The following PTPRE variants were observed in gnomAD, a reference collection of about 807,000 sequenced individuals.
PTPRE encodes receptor-type tyrosine-protein phosphatase epsilon.
In PTPRE, 51 loss-of-function variants were observed where a neutral mutation model predicts 102.0. The observed-to-expected ratio is 0.50, with a 90% CI of 0.40 to 0.63. The LOEUF (loss-of-function observed/expected upper bound fraction) is 0.63. PTPRE is among the 30% of genes least tolerant of loss of function. The pLI, the probability that PTPRE is intolerant of heterozygous loss-of-function variation, is 0.00. For synonymous variants in PTPRE, 345 were observed against 348.2 expected, an observed-to-expected ratio of 0.99 and a Z score of 0.10; for missense variants, 752 against 915.1, an observed-to-expected ratio of 0.82 and a Z score of 2.30.
At chr10:128,072,853 G>A (rs1014385315) in intron 16 of PTPRE, among the ~76,000 whole-genome samples, 9 of 152,062 alleles carry the variant, frequency 5.9e-5, no homozygotes, top group Admixed American at 4.6e-4. Flanking sequence ...GTGTACCCAC[G>A]TGGACAATAC....
chr10:127,943,973 C>T lies in PTPRE; in HGVS notation c.-31+36664C>T, dbSNP rs1197163232. On this transcript the variant is annotated intron_variant, in intron 1 of 20. Coordinates refer to ENST00000254667, the MANE Select transcript of PTPRE (RefSeq NM_006504.6). Reference sequence around the variant, plus strand: ...GAAGTAGTTCCTATGGGCATTGGGGCTGGGAAGTCTAATTAGAAGCAATAG... The same window carrying T: ...GAAGTAGTTCCTATGGGCATTGGGGTTGGGAAGTCTAATTAGAAGCAATAG... Among the ~76,000 whole-genome samples the T allele has an allele frequency of 2.6e-5, 4 of 152,120 alleles. No homozygotes were observed. In the East Asian group the frequency reaches 7.7e-4, roughly 29 times the overall value.
intron 11 of PTPRE, among the ~76,000 whole-genome samples, chr10:128,067,363 T>C (rs1850318124): frequency 8.0e-6 from 1 of 125,396 alleles, no homozygotes; most frequent in African/African-American, 3.1e-5. Flanking sequence ...CACGCACACG[T>C]GCACACATGC....
chr10:128,061,840 A>T (rs1057494948), intron 9 of PTPRE, 125 bp downstream of exon 9: 16 of 1,175,960 alleles, frequency 1.4e-5, no homozygotes, highest in Non-Finnish European at 1.9e-5. Context: ...CACCTAACAG[A>T]CACGTTAGAT....
intron 1 of PTPRE, among the ~76,000 whole-genome samples, chr10:127,962,324 G>A (rs1449744174): frequency 2.0e-5 from 3 of 152,298 alleles, no homozygotes; most frequent in South Asian, 2.1e-4. Context: ...GCCAGGCCAC[G>A]GGGCTCCTTT....
chr10:127,985,780 A>T (rs1027414490), intron 2 of PTPRE, among the ~76,000 whole-genome samples: 2 of 151,972 alleles, frequency 1.3e-5, no homozygotes, highest in South Asian at 2.1e-4. Context: ...TTTTTCACTT[A>T]AAAAAACTAT....
chr10:127,964,845 T>A, intron 1 of PTPRE: 1 of 325,858 alleles, frequency 3.1e-6, no homozygotes, highest in South Asian at 2.5e-5. Context: ...TTGCAGCCAG[T>A]TGTCTAGTTG....
rs775546928 is a variant in PTPRE, at chr10:128,076,630, G to A, written c.1627G>A (p.Glu543Lys). The A allele has an allele frequency of 2.3e-5, 37 of 1,609,106 alleles. No individual in the cohort carries two copies. The African/African-American group carries it at 3.0e-4, about 13-fold the overall frequency. ...QDKCYQYWPTEGSVTHGEITI... is the reference protein window; with the variant it reads ...QDKCYQYWPTKGSVTHGEITI... The stretch of plus-strand genomic sequence containing the variant: ...TAAATGCTACCAGTATTGGCCAACC[G>A]AGGGCTCAGTTACTCATGGAGAAAT... Residue 543 changes from glutamate to lysine, a missense_variant, in exon 18 of 21, where the codon GAG becomes AAG. Coordinates refer to ENST00000254667, the MANE Select transcript of PTPRE (RefSeq NM_006504.6).
intron 2 of PTPRE, among the ~76,000 whole-genome samples, chr10:128,001,214 A>ATG (rs1314110241): frequency 1.3e-4 from 20 of 149,016 alleles, no homozygotes; most frequent in African/African-American, 3.9e-4. Context: ...GTGTGTGTGC[A>ATG]TGTGTGTGTG....
At chr10:127,955,721 C>A (rs1849352665) in intron 1 of PTPRE, among the ~76,000 whole-genome samples, 1 of 152,128 alleles carries the variant, frequency 6.6e-6, no homozygotes, top group Non-Finnish European at 1.5e-5. Flanking sequence ...AAAAAACTAC[C>A]TGAGACTGGG....
At chr10:128,013,702 G>A (rs1354277482) in intron 2 of PTPRE, among the ~76,000 whole-genome samples, 2 of 152,148 alleles carry the variant, frequency 1.3e-5, no homozygotes, top group Non-Finnish European at 2.9e-5. Flanking sequence ...CCTATTTGTT[G>A]AGGACACAGC....
chr10:128,024,466 C>T (rs183972940), intron 2 of PTPRE, among the ~76,000 whole-genome samples: 34 of 152,304 alleles, frequency 2.2e-4, no homozygotes, highest in Non-Finnish European at 3.7e-4. Flanking sequence ...TTATTGGAAT[C>T]CAGATAGACT....
chr10:128,020,945 T>G (rs1315359184), intron 2 of PTPRE, among the ~76,000 whole-genome samples: 1 of 151,858 alleles, frequency 6.6e-6, no homozygotes, highest in Non-Finnish European at 1.5e-5. Flanking sequence ...TCGCCCAGGC[T>G]GGAGTGCAGT....
intron 2 of PTPRE, among the ~76,000 whole-genome samples, chr10:127,987,947 G>T (rs1250311794): frequency 1.3e-5 from 2 of 152,218 alleles, no homozygotes; most frequent in Admixed American, 6.5e-5. Context: ...GGCCAGGGCC[G>T]GCACTCTGTG....
intron 1 of PTPRE, among the ~76,000 whole-genome samples, chr10:127,943,543 C>T (rs1848401794): frequency 6.6e-6 from 1 of 152,204 alleles, no homozygotes; most frequent in Admixed American, 6.5e-5. Flanking sequence ...GTGAAGACCC[C>T]ACCCACAGTG....
At position 128,073,436 on chromosome 10, in the gene PTPRE, A is replaced by T. The variant is rs1850954781; in HGVS notation, c.1564A>T (p.Ile522Phe). 1 of 1,614,056 alleles carries T rather than the reference A, an allele frequency of 6.2e-7. No homozygotes were observed. ...GATCTGGGAATGGAAATCCCACACT[A>T]TCGTGATGCTGACGGAGGTGCAGGA... Reference protein sequence around the residue: ...RMIWEWKSHTIVMLTEVQERE... With the variant: ...RMIWEWKSHTFVMLTEVQERE... The change falls in exon 17 of 21, where the codon ATC (isoleucine) becomes TTC (phenylalanine). Residue 522 changes from isoleucine (I) to phenylalanine (F), a missense_variant. Ile to Phe is a conservative substitution (Grantham distance 21). Around this residue, in one of 2 missense-constraint regions of PTPRE, gnomAD observed 636 missense variants for 824.4 expected, o/e 0.77. Transcript: ENST00000254667.
intron 18 of PTPRE, among the ~76,000 whole-genome samples, chr10:128,077,190 C>T (rs956852694): frequency 2.0e-5 from 3 of 152,174 alleles, no homozygotes; most frequent in Admixed American, 6.5e-5. Context: ...GTCAGTATCA[C>T]GTAATGCACC....
intron 10 of PTPRE, among the ~76,000 whole-genome samples, chr10:128,063,760 G>A (rs1398277490): frequency 2.0e-5 from 3 of 152,202 alleles, no homozygotes; most frequent in Non-Finnish European, 4.4e-5. Flanking sequence ...GCTGTGCTGG[G>A]CCAGCTCTGT....
intron 2 of PTPRE, among the ~76,000 whole-genome samples, chr10:128,005,650 G>C (rs1439606975): frequency 1.3e-5 from 2 of 152,258 alleles, no homozygotes; most frequent in Non-Finnish European, 2.9e-5. Flanking sequence ...TCCCCGAGCA[G>C]GTGACAGATG....
chr10:127,958,781 A>G (rs2135378758), intron 1 of PTPRE, among the ~76,000 whole-genome samples: 1 of 152,028 alleles, frequency 6.6e-6, no homozygotes, highest in African/African-American at 2.4e-5. Context: ...TATTTCTTAA[A>G]TATTTGGTAG....
Sources: gnomAD v4.1 joint callset for allele counts (sites outside exome capture counted in the v4.1 genomes callset) on GRCh38, gnomAD v4.1.1 for gene constraint, gnomAD v4.1.1 regional missense constraint, MANE v1.5 for transcripts, NCBI Gene and HGNC (gene_info 2026-07-23, HGNC 2026-07-21) for gene names.